The following DENND1A variants were observed in gnomAD, a reference collection of about 807,000 sequenced individuals.
DENND1A encodes DENN domain-containing protein 1A.
Under a neutral mutation model 113.7 loss-of-function variants are expected in DENND1A, and 51 were observed. The observed-to-expected ratio is 0.45, with a 90% CI of 0.36 to 0.57. The LOEUF (loss-of-function observed/expected upper bound fraction) is 0.57, where lower values mean the gene tolerates loss of function less well. Among genes scored for constraint, DENND1A ranks in the 20% least tolerant of loss-of-function variants. The pLI is 0.00. For missense variants in DENND1A, 1,258 were observed against 1,395.9 expected (o/e 0.90, Z 1.57); for synonymous variants, 565 against 570.8 (o/e 0.99, Z 0.14).
chr9:123,755,690 G>C (rs927790769), intron 5 of DENND1A, among the ~76,000 whole-genome samples: 1 of 152,162 alleles, frequency 6.6e-6, no homozygotes, highest in Non-Finnish European at 1.5e-5. Flanking sequence ...AGATGCTGAG[G>C]ATGAAGGCCT....
At chr9:123,720,383 G>A (rs1039686488) in intron 5 of DENND1A, among the ~76,000 whole-genome samples, 3 of 152,084 alleles carry the variant, frequency 2.0e-5, no homozygotes, top group African/African-American at 7.2e-5. Flanking sequence ...GCAAAAGGGG[G>A]GCCCCAAATG....
At chr9:123,554,587 T>C (rs537531777) in intron 13 of DENND1A, among the ~76,000 whole-genome samples, 23 of 152,360 alleles carry the variant, frequency 1.5e-4, no homozygotes, top group African/African-American at 5.3e-4. Context: ...GAAGCTTGGT[T>C]GGAAAATTCC....
intron 13 of DENND1A, among the ~76,000 whole-genome samples, chr9:123,530,427 A>G (rs1301870634): frequency 6.6e-6 from 1 of 152,220 alleles, no homozygotes; most frequent in Non-Finnish European, 1.5e-5. Flanking sequence ...ATAATTGTCA[A>G]TGTACCGTTT....
chr9:123,733,443 C>A (rs552432666), intron 5 of DENND1A, among the ~76,000 whole-genome samples: 1 of 151,998 alleles, frequency 6.6e-6, no homozygotes, highest in African/African-American at 2.4e-5. Context: ...CCACACCCAG[C>A]TAATTTTTAT....
rs113239736 is a variant in DENND1A, at chr9:123,594,128, G to C, written c.766-10858C>G. ...CAGTCTCAAGTAGTTCTTTATAGTC[G>C]TGTGAGAATGGACTAATACATGCCT... On this transcript the variant is annotated intron_variant, in intron 11 of 23. Coordinates refer to ENST00000394215, the MANE Select transcript of DENND1A (RefSeq NM_001352964.2). Among the ~76,000 whole-genome samples the C allele has an allele frequency of 2.0e-3, 303 of 152,236 alleles. 3 individuals are homozygous for C. The highest frequency in any genetic ancestry group is 6.5e-3 in the African/African-American group (272 of 41,542).
Position 123,871,294 on chromosome 9 carries a change from G to T in DENND1A, c.88+7657C>A, listed in dbSNP as rs551530352. Among the ~76,000 whole-genome samples the T allele has an allele frequency of 1.2e-4, 18 of 152,172 alleles. No homozygotes were observed. In the South Asian group the frequency reaches 3.5e-3, roughly 30 times the overall value. On this transcript the variant is annotated intron_variant, in intron 2 of 23. Transcript: ENST00000394215. ...AGACAGGGTTTCATCATGTTGCCCA[G>T]GCTGGTCTTAAACTCCTGAGCTCCA...
At chr9:123,402,534 A>G in intron 21 of DENND1A, 2 of 534,780 alleles carry the variant, frequency 3.7e-6, no homozygotes, top group South Asian at 2.8e-5. Context: ...TTCCACCCAA[A>G]GGACTTCAGG....
chr9:123,638,534 A>G (rs753013307), intron 9 of DENND1A, among the ~76,000 whole-genome samples: 4 of 152,072 alleles, frequency 2.6e-5, no homozygotes, highest in Admixed American at 1.3e-4. Context: ...CAGTGGTGCA[A>G]TCTTGGCTCA....
At chr9:123,596,757 T>C (rs1456628013) in intron 11 of DENND1A, among the ~76,000 whole-genome samples, 2 of 152,186 alleles carry the variant, frequency 1.3e-5, no homozygotes, top group African/African-American at 4.8e-5. Flanking sequence ...AGGGCCAGTA[T>C]AATAGTTTTC....
At chr9:123,696,680 T>A (rs2140507344) in intron 5 of DENND1A, among the ~76,000 whole-genome samples, 1 of 152,314 alleles carries the variant, frequency 6.6e-6, no homozygotes, top group East Asian at 1.9e-4. Flanking sequence ...TTAGGAAGCA[T>A]TCCTAATGAA....
At chr9:123,789,837 A>G (rs1393882229) in intron 3 of DENND1A, among the ~76,000 whole-genome samples, 2 of 152,124 alleles carry the variant, frequency 1.3e-5, no homozygotes, top group Non-Finnish European at 2.9e-5. Context: ...AGATTCTTTT[A>G]CTGTAAGGTA....
At chr9:123,403,770 G>T (rs748692746) in intron 20 of DENND1A, among the ~76,000 whole-genome samples, 1 of 152,168 alleles carries the variant, frequency 6.6e-6, no homozygotes, top group Non-Finnish European at 1.5e-5. Flanking sequence ...TGGCCTCCTT[G>T]CAGGGCTGTG....
At chr9:123,552,315 C>T (rs957296714) in intron 13 of DENND1A, among the ~76,000 whole-genome samples, 3 of 152,178 alleles carry the variant, frequency 2.0e-5, no homozygotes, top group Admixed American at 6.5e-5. Context: ...GGACAGGCAC[C>T]GTGCTGGGCT....
intron 13 of DENND1A, among the ~76,000 whole-genome samples, chr9:123,526,699 C>T (rs942714629): frequency 2.0e-5 from 3 of 152,292 alleles, no homozygotes; most frequent in African/African-American, 4.8e-5. Flanking sequence ...CATCCCTTGG[C>T]GTTGGCATGT....
rs369085843 is a variant in DENND1A, at chr9:123,382,560, C to T, written c.2085G>A (p.Pro695=). 3.4e-5 allele frequency: 55 copies of T among 1,614,050 alleles called. No individual in the cohort carries two copies. The highest frequency in any genetic ancestry group is 1.9e-4 in the African/African-American group (14 of 75,040). Residue 695 remains proline (P), a synonymous_variant, in exon 24 of 24, where the codon CCG becomes CCA. Transcript: ENST00000394215. ...GVTVALKLTH[P]YNKLWSLGQD... ...GGCCCAGGCTCCAGAGCTTGTTGTA[C>T]GGGTGGGTAAGCTTCAAGGCCACTG...
intron 2 of DENND1A, among the ~76,000 whole-genome samples, chr9:123,855,697 C>G (rs1018343820): frequency 6.6e-6 from 1 of 152,082 alleles, no homozygotes; most frequent in Non-Finnish European, 1.5e-5. Context: ...ATTATGACAG[C>G]AGGACAGAAG....
rs144679435 is a variant in DENND1A at position 123,440,645 on chromosome 9, G to A, written c.1357-154C>T. Among the ~76,000 whole-genome samples the A allele has an allele frequency of 1.2e-3, 177 of 152,324 alleles. 4 individuals are homozygous for A. The highest frequency in any genetic ancestry group is 2.4e-4 in the Non-Finnish European group (16 of 68,024). ...ATGGAGGGAATGGAGGGCTAACTTG[G>A]CTCTTTGACTTTTAAGAACTAGAGA... On this transcript the variant is annotated intron_variant, in intron 18 of 23. Coordinates refer to ENST00000394215, the MANE Select transcript of DENND1A (RefSeq NM_001352964.2).
At chr9:123,440,186 T>C (rs1382209570) in intron 19 of DENND1A, 174 bp downstream of exon 19, 9 of 868,770 alleles carry the variant, frequency 1.0e-5, no homozygotes, top group African/African-American at 1.8e-5. Context: ...TTTTGAAAAT[T>C]TGCCTGCAAA....
intron 12 of DENND1A, among the ~76,000 whole-genome samples, chr9:123,581,163 G>C (rs768744638): frequency 6.6e-6 from 1 of 152,124 alleles, no homozygotes; most frequent in Admixed American, 6.5e-5. Flanking sequence ...GGTCAAGCGG[G>C]AGTAAGGAAA....
Sources: gnomAD v4.1 joint callset for allele counts (sites outside exome capture counted in the v4.1 genomes callset) on GRCh38, gnomAD v4.1.1 for gene constraint, MANE v1.5 for transcripts, NCBI Gene and HGNC (gene_info 2026-07-23, HGNC 2026-07-21) for gene names.